LRBA: variants seen among roughly 807,000 people sequenced by gnomAD.
LRBA encodes the protein lipopolysaccharide-responsive and beige-like anchor protein.
A neutral mutation model predicts 330.0 loss-of-function variants in LRBA; 176 were observed. The ratio of observed to expected loss-of-function variants is 0.53; its 90% CI spans 0.47 to 0.60. LRBA has a LOEUF of 0.60. LRBA is among the 20% of genes least tolerant of loss of function. The pLI, the probability that LRBA is intolerant of heterozygous loss-of-function variation, is 0.00. For missense variants in LRBA, 3,259 were observed against 3,444.8 expected, an observed-to-expected ratio of 0.95 and a Z score of 1.35; for synonymous variants, 1,230 against 1,193.0, an observed-to-expected ratio of 1.03 and a Z score of -0.64.
At chr4:150,906,138 G>T (rs1022462248) in intron 12 of LRBA, 148 bp from the exon 13 acceptor site, 1 of 816,630 alleles carries the variant, frequency 1.2e-6, no homozygotes, top group Admixed American at 2.5e-5. Context: ...GTTTGATAGA[G>T]GAATGGAGGC....
At chr4:150,430,191 A>G (rs1750187727) in intron 46 of LRBA, among the ~76,000 whole-genome samples, 1 of 152,134 alleles carries the variant, frequency 6.6e-6, no homozygotes, top group African/African-American at 2.4e-5. Flanking sequence ...CTCTAGCCCC[A>G]CTGGCATTAC....
chr4:150,282,198 C>T (rs1301326003), intron 55 of LRBA, among the ~76,000 whole-genome samples: 1 of 152,170 alleles, frequency 6.6e-6, no homozygotes, highest in Admixed American at 6.5e-5. Context: ...TTCAGAAGCC[C>T]CTAAGAAAAC....
chr4:150,443,711 G>C (rs1003148887), intron 44 of LRBA, among the ~76,000 whole-genome samples: 3 of 151,796 alleles, frequency 2.0e-5, no homozygotes, highest in Non-Finnish European at 4.4e-5. Flanking sequence ...GTGGGAGCAG[G>C]GGGGAGGGAT....
intron 39 of LRBA, among the ~76,000 whole-genome samples, chr4:150,588,960 A>G (rs1250064829): frequency 6.6e-6 from 1 of 152,276 alleles, no homozygotes; most frequent in South Asian, 2.1e-4. Context: ...CAGACAGAAC[A>G]GCATAATGTG....
At chr4:150,718,426 G>C (rs1728520342) in intron 36 of LRBA, among the ~76,000 whole-genome samples, 1 of 151,928 alleles carries the variant, frequency 6.6e-6, no homozygotes, top group African/African-American at 2.4e-5. Flanking sequence ...TTGAATTCAA[G>C]GCTGAATACA....
chr4:150,489,653 A>AATATTATATATAAGAATAT (rs1431489200), intron 41 of LRBA, among the ~76,000 whole-genome samples: 1 of 121,668 alleles, frequency 8.2e-6, no homozygotes, highest in East Asian at 2.2e-4. Context: ...TATAATATAT[A>AATATTATATATAAGAATAT]ATATTATATA....
At chr4:150,699,794 G>A (rs769704687) in intron 36 of LRBA, among the ~76,000 whole-genome samples, 21 of 152,140 alleles carry the variant, frequency 1.4e-4, no homozygotes, top group Non-Finnish European at 2.9e-4. Flanking sequence ...ATCTGATGAG[G>A]TAGTCAGAGC....
chr4:150,439,882 A>G (rs1751592700), intron 44 of LRBA, among the ~76,000 whole-genome samples: 1 of 152,184 alleles, frequency 6.6e-6, no homozygotes, highest in Non-Finnish European at 1.5e-5. Flanking sequence ...TCTGAATTCA[A>G]CTATGTTATA....
chr4:150,534,857 T>G (rs947701352), intron 40 of LRBA, among the ~76,000 whole-genome samples: 1 of 152,202 alleles, frequency 6.6e-6, no homozygotes, highest in Non-Finnish European at 1.5e-5. Flanking sequence ...AATGAGGATT[T>G]AGGCAGATTA....
chr4:150,335,553 CACAT>C (rs1734609991), intron 48 of LRBA, among the ~76,000 whole-genome samples: 1 of 149,342 alleles, frequency 6.7e-6, no homozygotes, highest in African/African-American at 2.5e-5. Flanking sequence ...TATACACACA[CACAT>C]ATATGTATAT....
intron 4 of LRBA, among the ~76,000 whole-genome samples, chr4:150,926,587 C>A (rs1219355235): frequency 6.6e-6 from 1 of 152,052 alleles, no homozygotes; most frequent in Non-Finnish European, 1.5e-5. Context: ...AATTCAGTAG[C>A]CATAAGCAGC....
At chr4:150,765,158 A>C (rs1447761427) in intron 34 of LRBA, among the ~76,000 whole-genome samples, 1 of 152,068 alleles carries the variant, frequency 6.6e-6, no homozygotes, top group African/African-American at 2.4e-5. Flanking sequence ...AAGAGAAAGA[A>C]ACTAATATGA....
At chr4:150,559,676 ATAATATAT>A (rs1767875856) in intron 40 of LRBA, among the ~76,000 whole-genome samples, 7 of 84,138 alleles carry the variant, frequency 8.3e-5, no homozygotes, top group Non-Finnish European at 1.5e-4. Flanking sequence ...TATATATTAT[ATAATATAT>A]TATATTATAT....
At chr4:150,967,912 C>A (rs1739086170) in intron 2 of LRBA, among the ~76,000 whole-genome samples, 1 of 152,054 alleles carries the variant, frequency 6.6e-6, no homozygotes, top group African/African-American at 2.4e-5. Context: ...TTTGGGCCAC[C>A]CTATTATCTG....
chr4:150,266,667 C>G (rs1032108719), intron 56 of LRBA, among the ~76,000 whole-genome samples: 4 of 151,976 alleles, frequency 2.6e-5, no homozygotes, highest in African/African-American at 9.7e-5. Flanking sequence ...AAATGAGAGA[C>G]AAAACTCTAA....
At chr4:150,954,188 T>C (rs1737257257) in intron 2 of LRBA, among the ~76,000 whole-genome samples, 1 of 145,352 alleles carries the variant, frequency 6.9e-6, no homozygotes, top group African/African-American at 2.6e-5. Context: ...GTCCAGAAGG[T>C]GGGGGGCCCC....
chr4:150,373,683 A>G (rs569155153), intron 47 of LRBA, among the ~76,000 whole-genome samples: 25 of 152,260 alleles, frequency 1.6e-4, no homozygotes, highest in Admixed American at 1.2e-3. Context: ...GCTGCCCTCA[A>G]TTACACAGCT....
At chr4:150,848,672 T>C in intron 26 of LRBA, 146 bp downstream of exon 26, 1 of 566,426 alleles carries the variant, frequency 1.8e-6, no homozygotes, top group Non-Finnish European at 3.1e-6. Flanking sequence ...TACCAACTAC[T>C]ACTATGTACA....
chr4:150,608,328 GA>G (rs1774881271), intron 37 of LRBA, among the ~76,000 whole-genome samples: 1 of 152,174 alleles, frequency 6.6e-6, no homozygotes, highest in African/African-American at 2.4e-5. Context: ...GCTAGACCCA[GA>G]GAAGAGTCTA....
Sources: allele counts gnomAD v4.1 joint callset (sites outside exome capture counted in the v4.1 genomes callset), GRCh38; gene constraint gnomAD v4.1.1; transcripts MANE v1.5; gene names NCBI Gene and HGNC (gene_info 2026-07-23, HGNC 2026-07-21).